Variants in ZNF280C observed in about 807,000 individuals in gnomAD.
ZNF280C encodes the protein suppressor of hairy wing homolog 3.
In ZNF280C, 14 loss-of-function variants were observed where a neutral mutation model predicts 53.6. That is an observed-to-expected ratio of 0.26 (90% CI 0.17 to 0.41). The LOEUF is 0.41. Among genes scored for constraint, ZNF280C ranks in the 10% least tolerant of loss-of-function variants. The pLI, the probability that ZNF280C is intolerant of heterozygous loss-of-function variation, is 1.00. For missense variants in ZNF280C, 416 were observed against 547.1 expected (o/e 0.76, Z 2.39); for synonymous variants, 203 against 181.1 (o/e 1.12, Z -0.97).
At chrX:130,264,596 G>A (rs2032668944) in intron 1 of ZNF280C, among the ~76,000 whole-genome samples, 1 of 110,876 alleles carries the variant, frequency 9.0e-6, no homozygotes, top group African/African-American at 3.3e-5. Flanking sequence ...TGACCATATG[G>A]TTAGCTATAG....
chrX:130,218,903 G>T (rs1269775339), intron 13 of ZNF280C, among the ~76,000 whole-genome samples: 1 of 111,324 alleles, frequency 9.0e-6, no homozygotes, highest in Non-Finnish European at 1.9e-5. Context: ...ATTACTATTG[G>T]TATCTTATTA....
chrX:130,239,954 AG>A (rs955974799), intron 5 of ZNF280C, among the ~76,000 whole-genome samples: 5 of 111,654 alleles, frequency 4.5e-5, no homozygotes, highest in Middle Eastern at 4.7e-3. Context: ...CAGGCAAAGT[AG>A]AGGTTATATT....
intron 12 of ZNF280C, among the ~76,000 whole-genome samples, chrX:130,224,408 T>C (rs2032199741): frequency 8.9e-6 from 1 of 111,799 alleles, no homozygotes; most frequent in South Asian, 3.7e-4. Context: ...TTATAGTAGC[T>C]CAAACAGACT....
rs1191986721 is a variant in ZNF280C at position 130,230,595 on chromosome X, G to A, written c.904C>T (p.His302Tyr). The part of the protein sequence containing the change: ...MLVNEFYYGR[H>Y]EGVTEKEPKT... ...GGCTCTTTCTCAGTGACTCCTTCAT[G>A]CCTTCCATAATAAAACTCATTGACT... Residue 302 changes from histidine to tyrosine, a missense_variant, in exon 9 of 19, where the codon CAT becomes TAT. By Grantham distance (83) the His-to-Tyr change is moderately conservative. This residue lies in a region of ZNF280C where 72 missense variants were observed against 168.8 expected (regional missense o/e 0.43). Coordinates refer to ENST00000370978, the MANE Select transcript of ZNF280C (RefSeq NM_017666.5). 1.7e-6 allele frequency: 2 copies of A among 1,207,291 alleles called. No homozygotes were observed. Among genetic ancestry groups the A allele is most frequent in the African/African-American group, 3.5e-5 (2 of 57,186 alleles).
intron 2 of ZNF280C, among the ~76,000 whole-genome samples, chrX:130,251,666 AAGAATGAGAATCTCTGGAACCCAGGAG>A (rs377389544): frequency 3.9e-3 from 435 of 111,547 alleles, no homozygotes; most frequent in African/African-American, 0.013. Context: ...CAGGAGGCTA[AAGAATGAGAATCTCTGGAACCCAGGAG>A]AGAACGAGAA....
At chrX:130,206,650 G>A (rs1421830334) in intron 16 of ZNF280C, among the ~76,000 whole-genome samples, 1 of 111,792 alleles carries the variant, frequency 8.9e-6, no homozygotes, top group Non-Finnish European at 1.9e-5. Context: ...ATAGGCGTAA[G>A]CCACCGTGCC....
intron 15 of ZNF280C, among the ~76,000 whole-genome samples, chrX:130,213,092 G>A (rs1033983496): frequency 1.8e-5 from 2 of 112,206 alleles, no homozygotes; most frequent in African/African-American, 3.2e-5. Flanking sequence ...GGTGGCTCAC[G>A]CCTGTAATCC....
At chrX:130,237,458 C>T in intron 6 of ZNF280C, among the ~76,000 whole-genome samples, 1 of 111,587 alleles carries the variant, frequency 9.0e-6, no homozygotes, top group East Asian at 2.8e-4. Context: ...TTGAGAGCCA[C>T]CACCTTAAAG....
intron 8 of ZNF280C, among the ~76,000 whole-genome samples, chrX:130,234,945 G>C (rs952798976): frequency 2.7e-5 from 3 of 111,382 alleles, no homozygotes; most frequent in African/African-American, 9.8e-5. Context: ...TCCATCATTA[G>C]AAGTTTATTT....
Position 130,244,800 on chromosome X carries a change from AG to A in ZNF280C, c.179-936del, listed in dbSNP as rs1312018501. Among the ~76,000 whole-genome samples the A allele has an allele frequency of 1.1e-3, 44 of 38,499 alleles. No homozygotes were observed. In the African/African-American group the frequency reaches 0.012, roughly 10 times the overall value. 33.4% of individuals were successfully genotyped at this position (38,499 alleles called of 115,157 possible). ...CTTAAAAAAAAAAAAAAAAAAAAAA[AG>A]AGAGAAAAGAATCAGATCTCACAAA... On this transcript the variant is annotated intron_variant, in intron 3 of 18. Transcript: ENST00000370978.
chrX:130,236,422 T>C (rs750977054), intron 7 of ZNF280C, 47 bp downstream of exon 7: 122 of 1,128,692 alleles, frequency 1.1e-4, no homozygotes, highest in Non-Finnish European at 1.4e-4. Context: ...CTAAAACGTA[T>C]ATAAAAATAA....
chrX:130,257,731 C>T (rs1221719313), intron 2 of ZNF280C, among the ~76,000 whole-genome samples: 1 of 111,814 alleles, frequency 8.9e-6, no homozygotes, highest in Non-Finnish European at 1.9e-5. Context: ...AGAGACTGTG[C>T]TTAAGTAACT....
chrX:130,220,689 C>T (rs1267663756), intron 12 of ZNF280C, among the ~76,000 whole-genome samples: 4 of 111,378 alleles, frequency 3.6e-5, no homozygotes, highest in Non-Finnish European at 7.5e-5. Context: ...AAGGATCAAA[C>T]ATAAAAAGTA....
At chrX:130,234,396 T>C (rs187822959) in intron 8 of ZNF280C, among the ~76,000 whole-genome samples, 135 of 111,916 alleles carry the variant, frequency 1.2e-3, no homozygotes, top group African/African-American at 4.0e-3. Flanking sequence ...TTGGAAGATA[T>C]CAAGGGAAAC....
chrX:130,249,862 C>T (rs2032489060), intron 2 of ZNF280C, among the ~76,000 whole-genome samples: 1 of 111,757 alleles, frequency 8.9e-6, no homozygotes, highest in Non-Finnish European at 1.9e-5. Context: ...GAATAAAGGT[C>T]ACTGAGATGC....
chrX:130,232,547 C>A (rs2032288679), intron 8 of ZNF280C, among the ~76,000 whole-genome samples: 1 of 111,088 alleles, frequency 9.0e-6, no homozygotes, highest in South Asian at 3.8e-4. Flanking sequence ...ATTGAATAGA[C>A]AAAAGACGAC....
At chrX:130,208,658 T>C (rs758959291) in intron 16 of ZNF280C, among the ~76,000 whole-genome samples, 1 of 111,747 alleles carries the variant, frequency 8.9e-6, no homozygotes, top group Non-Finnish European at 1.9e-5. Context: ...ATTTTACTCT[T>C]TTCTAATTCC....
chrX:130,235,558 T>C (rs1324162231), intron 8 of ZNF280C, among the ~76,000 whole-genome samples: 1 of 112,305 alleles, frequency 8.9e-6, no homozygotes, highest in Non-Finnish European at 1.9e-5. Context: ...GCATACACTG[T>C]ACTGCATATG....
chrX:130,220,797 C>A (rs1285625840), intron 12 of ZNF280C, among the ~76,000 whole-genome samples: 1 of 110,925 alleles, frequency 9.0e-6, no homozygotes, highest in Non-Finnish European at 1.9e-5. Flanking sequence ...TGACTAAATC[C>A]CTCCTCAAAC....
Sources: allele counts gnomAD v4.1 joint callset (sites outside exome capture counted in the v4.1 genomes callset), GRCh38; gene constraint gnomAD v4.1.1; regional missense constraint gnomAD v4.1.1; transcripts MANE v1.5; gene names NCBI Gene and HGNC (gene_info 2026-07-23, HGNC 2026-07-21).